Variants in UPF2 observed in about 807,000 individuals in gnomAD.
The protein encoded by UPF2 is regulator of nonsense transcripts 2.
Under a neutral mutation model 141.4 loss-of-function variants are expected in UPF2, and 17 were observed. The ratio of observed to expected loss-of-function variants is 0.12; its 90% CI spans 0.08 to 0.18. UPF2 has a LOEUF of 0.18. Ranked by LOEUF, UPF2 falls within the 10% of genes least tolerant of loss-of-function variation. UPF2 has a pLI of 1.00. For missense variants in UPF2, 1,152 were observed against 1,515.9 expected (o/e 0.76, Z 3.99); for synonymous variants, 540 against 498.0 (o/e 1.08, Z -1.12).
At chr10:12,038,105 G>A (rs992942066) in intron 1 of UPF2, among the ~76,000 whole-genome samples, 3 of 152,158 alleles carry the variant, frequency 2.0e-5, no homozygotes, top group Admixed American at 2.0e-4. Flanking sequence ...ATTAGGGGCT[G>A]GGTGCGGTGG....
At chr10:11,967,036 A>G (rs1030362885) in intron 10 of UPF2, among the ~76,000 whole-genome samples, 112 of 152,258 alleles carry the variant, frequency 7.4e-4, no homozygotes, top group African/African-American at 2.6e-3. Flanking sequence ...TCATCTTCAT[A>G]TTTAAGGGTG....
intron 21 of UPF2, among the ~76,000 whole-genome samples, chr10:11,925,523 G>A (rs1832701354): frequency 6.6e-6 from 1 of 152,256 alleles, no homozygotes; most frequent in Non-Finnish European, 1.5e-5. Context: ...ACCAAGAGCT[G>A]TGAAGGAGAC....
At chr10:12,039,471 A>G (rs1259126701) in intron 1 of UPF2, among the ~76,000 whole-genome samples, 1 of 152,202 alleles carries the variant, frequency 6.6e-6, no homozygotes, top group South Asian at 2.1e-4. Flanking sequence ...AGGTAATAAC[A>G]TGATCTTATT....
intron 18 of UPF2, among the ~76,000 whole-genome samples, chr10:11,941,967 C>T (rs1832941589): frequency 6.6e-6 from 1 of 152,200 alleles, no homozygotes; most frequent in South Asian, 2.1e-4. Flanking sequence ...TTTCCATTAA[C>T]ATAGAAGCTA....
chr10:11,943,899 G>C (rs1319573199), intron 16 of UPF2, among the ~76,000 whole-genome samples: 1 of 151,314 alleles, frequency 6.6e-6, no homozygotes, highest in African/African-American at 2.4e-5. Context: ...AGAGCACCGA[G>C]AGATTTTCAA....
At chr10:11,999,533 A>ACC (rs1564361277) in intron 7 of UPF2, among the ~76,000 whole-genome samples, 1 of 124,798 alleles carries the variant, frequency 8.0e-6, no homozygotes, top group African/African-American at 2.8e-5. Context: ...AAAAAAAAAA[A>ACC]CACACACAAG....
intron 5 of UPF2, among the ~76,000 whole-genome samples, chr10:12,003,324 T>G (rs977868502): frequency 6.6e-6 from 1 of 152,140 alleles, no homozygotes; most frequent in African/African-American, 2.4e-5. Flanking sequence ...AATGTGACCC[T>G]TGCTCTCAAA....
At chr10:11,977,498 G>A (rs1028241279) in intron 9 of UPF2, among the ~76,000 whole-genome samples, 7 of 152,158 alleles carry the variant, frequency 4.6e-5, no homozygotes, top group African/African-American at 1.7e-4. Context: ...AAATGAGAGA[G>A]TACATATAGA....
At chr10:11,922,263 T>A (rs1322077393) in intron 21 of UPF2, among the ~76,000 whole-genome samples, 2 of 152,208 alleles carry the variant, frequency 1.3e-5, no homozygotes, top group Non-Finnish European at 2.9e-5. Flanking sequence ...TCGTTTAAGC[T>A]ACTAGGGCTG....
At chr10:11,954,950 C>T (rs1833126233) in intron 14 of UPF2, among the ~76,000 whole-genome samples, 3 of 151,530 alleles carry the variant, frequency 2.0e-5, no homozygotes, top group Admixed American at 2.0e-4. Context: ...TATCACGGTC[C>T]ATAAATTACT....
At position 11,925,127 on chromosome 10, in the gene UPF2, A is replaced by C. The variant is rs182747875; in HGVS notation, c.3810-3820T>G. On this transcript the variant is annotated intron_variant, in intron 21 of 21. Coordinates refer to ENST00000357604, the MANE Select transcript of UPF2 (RefSeq NM_015542.4). ...GCCATCACAACCAGCCTTAAAATGTAAATTTTAAAAAAGGCAAAGAACATC... is the reference window on the plus strand; with the variant it reads ...GCCATCACAACCAGCCTTAAAATGTCAATTTTAAAAAAGGCAAAGAACATC... Among the ~76,000 whole-genome samples the C allele has an allele frequency of 2.0e-3, 302 of 152,280 alleles. 1 individual carries two copies. The highest frequency in any genetic ancestry group is 6.6e-3 in the African/African-American group (274 of 41,572).
At chr10:12,033,009 C>A (rs894199907) in intron 2 of UPF2, among the ~76,000 whole-genome samples, 1 of 151,936 alleles carries the variant, frequency 6.6e-6, no homozygotes, top group Non-Finnish European at 1.5e-5. Flanking sequence ...CATCACCCCC[C>A]CAAAAATGGG....
At chr10:12,026,108 T>C (rs1834415164) in intron 3 of UPF2, among the ~76,000 whole-genome samples, 1 of 152,102 alleles carries the variant, frequency 6.6e-6, no homozygotes. Flanking sequence ...CTATTAATAA[T>C]ACACATGTAA....
intron 1 of UPF2, among the ~76,000 whole-genome samples, chr10:12,039,109 A>T (rs543765435): frequency 1.3e-5 from 2 of 152,346 alleles, no homozygotes; most frequent in East Asian, 3.9e-4. Flanking sequence ...TCATGGTACC[A>T]TACTAAACAT....
chr10:11,938,163 C>T (rs1832877942), intron 18 of UPF2, among the ~76,000 whole-genome samples: 1 of 152,110 alleles, frequency 6.6e-6, no homozygotes, highest in Admixed American at 6.6e-5. Context: ...TAGACACAAG[C>T]AACCACAATG....
chr10:12,041,251 T>C (rs1377685665), intron 1 of UPF2, among the ~76,000 whole-genome samples: 1 of 152,196 alleles, frequency 6.6e-6, no homozygotes, highest in African/African-American at 2.4e-5. Flanking sequence ...CAATTTTAAA[T>C]AGGTCCTTTC....
chr10:11,921,139 G>A lies in UPF2; in HGVS notation c.*159C>T. 4.1e-6 allele frequency: 4 copies of A among 974,624 alleles called. No individual in the cohort carries two copies. Among genetic ancestry groups the A allele is most frequent in the Non-Finnish European group, 6.7e-6 (4 of 597,074 alleles). The allele number at this position is 974,624 out of a possible 1,614,324, so 60.4% of individuals were successfully genotyped here. A position where few individuals can be genotyped will look rare whatever the true frequency, so the allele number is the denominator to read the frequency against. ...CTTGTTCCGGTGTTGGCAGAGGCTG[G>A]TGTTTCTGCCTCCTGGCCCCAGCCT... On this transcript the variant is annotated 3_prime_UTR_variant, in exon 22 of 22. Transcript: ENST00000357604. The surrounding 1 kb of genome is among the most constrained non-coding windows in gnomAD (Gnocchi z 5.9).
At position 11,998,543 on chromosome 10, in the gene UPF2, G is replaced by A. The variant is rs1269264425; in HGVS notation, c.1759-786C>T. On this transcript the variant is annotated intron_variant, in intron 7 of 21. Coordinates refer to ENST00000357604, the MANE Select transcript of UPF2 (RefSeq NM_015542.4). This position sits in a 1 kb window ranked among gnomAD's most constrained non-coding sequence, Gnocchi z 4.5. ...TGAGACTATAGGCATGTGTAGTTAA[G>A]GTTGAAACATAATAAAAATCGCTCC... 6.6e-6 allele frequency among the ~76,000 whole-genome samples: 1 copy of A among 151,980 alleles called. No homozygotes were observed. Among genetic ancestry groups the A allele is most frequent in the African/African-American group, 2.4e-5 (1 of 41,400 alleles).
Position 11,952,099 on chromosome 10 carries a change from G to C in UPF2, c.3001C>G (p.Gln1001Glu). The C allele has an allele frequency of 6.2e-7, 1 of 1,613,914 alleles. No individual in the cohort carries two copies. Reference protein sequence around the residue: ...NSLEESIRQVQDLEREFLIKL... With the variant: ...NSLEESIRQVEDLEREFLIKL... ...ATTAAGAATTCTCGTTCCAAGTCTTGTACCTGCCTGATGGATTCTTCCAGA... is the reference window on the plus strand; with the variant it reads ...ATTAAGAATTCTCGTTCCAAGTCTTCTACCTGCCTGATGGATTCTTCCAGA... The change falls in exon 15 of 22, where the codon CAA becomes GAA. Residue 1001 changes from glutamine to glutamate, a missense_variant. This residue lies in a region of UPF2 where 202 missense variants were observed against 223.6 expected (regional missense o/e 0.90). Coordinates refer to ENST00000357604, the MANE Select transcript of UPF2 (RefSeq NM_015542.4).
Sources: allele counts gnomAD v4.1 joint callset (sites outside exome capture counted in the v4.1 genomes callset), GRCh38; gene constraint gnomAD v4.1.1; regional missense constraint gnomAD v4.1.1; non-coding constraint Gnocchi (gnomAD v3.1); transcripts MANE v1.5; gene names NCBI Gene and HGNC (gene_info 2026-07-23, HGNC 2026-07-21).